Variants in SEMA3E observed in about 807,000 individuals in gnomAD.
SEMA3E encodes semaphorin 3E.
Under a neutral mutation model 93.6 loss-of-function variants are expected in SEMA3E, and 49 were observed. That is an observed-to-expected ratio of 0.52 (90% CI 0.42 to 0.66). SEMA3E has a LOEUF of 0.66. Ranked by LOEUF, SEMA3E falls within the 30% of genes least tolerant of loss-of-function variation. The pLI, the probability that SEMA3E is intolerant of heterozygous loss-of-function variation, is 0.00. For synonymous variants in SEMA3E, 363 were observed against 330.7 expected (o/e 1.10, Z -1.06); for missense variants, 906 against 964.8 (o/e 0.94, Z 0.81).
intron 5 of SEMA3E, among the ~76,000 whole-genome samples, chr7:83,413,072 C>T (rs1468048713): frequency 1.3e-5 from 2 of 152,102 alleles, no homozygotes; most frequent in Non-Finnish European, 2.9e-5. Flanking sequence ...GATAAAAACA[C>T]ATTCTTTATA....
chr7:83,618,795 T>C (rs1445959673), intron 1 of SEMA3E, among the ~76,000 whole-genome samples: 1 of 151,888 alleles, frequency 6.6e-6, no homozygotes, highest in Non-Finnish European at 1.5e-5. Flanking sequence ...ACAATAAAAT[T>C]GGGGCTATCT....
At chr7:83,438,638 A>C (rs2115774440) in intron 4 of SEMA3E, among the ~76,000 whole-genome samples, 1 of 151,644 alleles carries the variant, frequency 6.6e-6, no homozygotes, top group African/African-American at 2.4e-5. Context: ...GCACTGCATG[A>C]TAAGGCATAG....
intron 4 of SEMA3E, among the ~76,000 whole-genome samples, chr7:83,447,021 G>A (rs948489496): frequency 5.3e-5 from 8 of 151,922 alleles, no homozygotes; most frequent in African/African-American, 1.9e-4. Flanking sequence ...TTTAGTTGAT[G>A]CCCTCTTAAC....
intron 1 of SEMA3E, among the ~76,000 whole-genome samples, chr7:83,512,874 T>C (rs1790853720): frequency 6.6e-6 from 1 of 152,188 alleles, no homozygotes; most frequent in African/African-American, 2.4e-5. Context: ...ATACTCTGAA[T>C]TCAAAGCTTT....
chr7:83,426,998 T>A (rs1788784705), intron 4 of SEMA3E, among the ~76,000 whole-genome samples: 1 of 152,028 alleles, frequency 6.6e-6, no homozygotes, highest in Non-Finnish European at 1.5e-5. Context: ...CTGTTTAACA[T>A]AACATAGTGT....
At chr7:83,544,209 T>C (rs938477651) in intron 1 of SEMA3E, among the ~76,000 whole-genome samples, 1 of 152,074 alleles carries the variant, frequency 6.6e-6, no homozygotes, top group African/African-American at 2.4e-5. Flanking sequence ...AAGAGAAGTA[T>C]ATAAATTTCT....
At chr7:83,599,589 G>A (rs937001283) in intron 1 of SEMA3E, among the ~76,000 whole-genome samples, 1 of 152,092 alleles carries the variant, frequency 6.6e-6, no homozygotes, top group African/African-American at 2.4e-5. Flanking sequence ...GAATACAATG[G>A]AAATGAGTAT....
intron 1 of SEMA3E, among the ~76,000 whole-genome samples, chr7:83,619,125 G>A (rs1005732141): frequency 6.6e-6 from 1 of 151,058 alleles, no homozygotes; most frequent in Non-Finnish European, 1.5e-5. Context: ...CAGAACTTCG[G>A]GTCATTTAAT....
chr7:83,406,024 C>T lies in SEMA3E; in HGVS notation c.849G>A (p.Lys283=), dbSNP rs1157559074. 6.2e-7 allele frequency: 1 copy of T among 1,613,272 alleles called. No individual in the cohort carries two copies. The highest frequency in any genetic ancestry group is 1.7e-5 in the Admixed American group (1 of 59,952). The change falls in exon 8 of 17, where the codon AAG becomes AAA. Residue 283 remains lysine, a synonymous_variant. Coordinates refer to ENST00000643230, the MANE Select transcript of SEMA3E (RefSeq NM_012431.3). ...GTCTCGCTTTTAGGAAAGTGCTCCA[C>T]TTATTCACCAGTATTCTCTGCCCTC... ...DVGGQRILVN[K]WSTFLKARLV...
rs139707700 is a variant in SEMA3E at position 83,638,746 on chromosome 7, C to A, written c.115+9682G>T. Among the ~76,000 whole-genome samples, 143 of 152,162 alleles carry A rather than the reference C, an allele frequency of 9.4e-4. No individual in the cohort carries two copies. The East Asian group carries it at 9.9e-3, about 11-fold the overall frequency. ...TGAGCTTGAGGCTTTTTTGTAGCAT[C>A]CTTCCACACACACAGCCCAGTGTTT... On this transcript the variant is annotated intron_variant, in intron 1 of 16. Coordinates refer to ENST00000643230, the MANE Select transcript of SEMA3E (RefSeq NM_012431.3).
intron 16 of SEMA3E, among the ~76,000 whole-genome samples, chr7:83,384,387 T>G (rs1787840184): frequency 6.6e-6 from 1 of 152,092 alleles, no homozygotes; most frequent in South Asian, 2.1e-4. Context: ...GAGACAGGTC[T>G]CTAGAGCTTA....
chr7:83,457,805 TCCA>T (rs1415354238), intron 4 of SEMA3E, among the ~76,000 whole-genome samples: 2 of 152,168 alleles, frequency 1.3e-5, no homozygotes, highest in East Asian at 3.9e-4. Context: ...ATTAAAATCT[TCCA>T]CCAACTTATC....
intron 16 of SEMA3E, among the ~76,000 whole-genome samples, chr7:83,373,881 A>G (rs1794782533): frequency 6.6e-6 from 1 of 152,184 alleles, no homozygotes; most frequent in Non-Finnish European, 1.5e-5. Context: ...TAAGAATGCA[A>G]GTTAACATTC....
At chr7:83,380,356 C>A (rs1227580632) in intron 16 of SEMA3E, among the ~76,000 whole-genome samples, 1 of 151,870 alleles carries the variant, frequency 6.6e-6, no homozygotes, top group Non-Finnish European at 1.5e-5. Context: ...TCTCCTAAGT[C>A]TGTGTGCCAG....
At position 83,648,525 on chromosome 7, in the gene SEMA3E, G is replaced by A. The variant is rs1384929070; in HGVS notation, c.18C>T (p.His6=). The change falls in exon 1 of 17, where the codon CAC becomes CAT. Residue 6 remains histidine (H), a synonymous_variant. Transcript: ENST00000643230. The part of the protein sequence containing the change: MASAG[H]IITLLLWGYL... The stretch of plus-strand genomic sequence containing the variant: ...AACCCCACAGGAGCAAGGTGATAAT[G>A]TGCCCCGCGGATGCCATGCTGCCGT... The A allele has an allele frequency of 1.2e-6, 2 of 1,613,352 alleles. No homozygotes were observed. The highest frequency in any genetic ancestry group is 1.7e-6 in the Non-Finnish European group (2 of 1,179,744).
At chr7:83,396,521 C>A in intron 12 of SEMA3E, 117 bp downstream of exon 12, 1 of 657,024 alleles carries the variant, frequency 1.5e-6, no homozygotes. Context: ...CTTATATTAG[C>A]TCTGAATCCA....
intron 16 of SEMA3E, 126 bp from the exon 17 acceptor site, chr7:83,368,164 A>C: frequency 1.3e-6 from 1 of 785,182 alleles, no homozygotes; most frequent in South Asian, 1.5e-5. Context: ...CCTGAAAATC[A>C]TACATACACA....
intron 1 of SEMA3E, among the ~76,000 whole-genome samples, chr7:83,602,962 G>A (rs1161025244): frequency 6.6e-6 from 1 of 152,036 alleles, no homozygotes; most frequent in Non-Finnish European, 1.5e-5. Flanking sequence ...GAATATTATA[G>A]ATAGCATATA....
At chr7:83,457,362 A>C (rs1302699728) in intron 4 of SEMA3E, among the ~76,000 whole-genome samples, 1 of 152,236 alleles carries the variant, frequency 6.6e-6, no homozygotes. Flanking sequence ...GAAAATGAAA[A>C]AATTAAAACA....
Sources: gnomAD v4.1 joint callset for allele counts (sites outside exome capture counted in the v4.1 genomes callset) on GRCh38, gnomAD v4.1.1 for gene constraint, MANE v1.5 for transcripts, NCBI Gene and HGNC (gene_info 2026-07-23, HGNC 2026-07-21) for gene names.